The following UGT2A1 variants were observed in gnomAD, a reference collection of about 807,000 sequenced individuals.
UGT2A1 encodes UDP glucuronosyltransferase family 2 member A1 complex locus.
A neutral mutation model predicts 45.4 loss-of-function variants in UGT2A1; 61 were observed. The ratio of observed to expected loss-of-function variants is 1.34; its 90% confidence interval spans 1.09 to 1.66. UGT2A1 has a LOEUF of 1.66. Among genes scored for constraint, UGT2A1 ranks in the 40% most tolerant of loss-of-function variants. The probability of loss-of-function intolerance (pLI) is 0.00; values close to 1 mark genes in which losing one functional copy is unlikely to be tolerated. For synonymous variants in UGT2A1, 229 were observed against 196.2 expected (o/e 1.17, Z -1.40); for missense variants, 649 against 574.3 (o/e 1.13, Z -1.33).
At chr4:69,607,920 A>G (rs909776841) in intron 3 of UGT2A1, among the ~76,000 whole-genome samples, 6 of 152,196 alleles carry the variant, frequency 3.9e-5, no homozygotes, top group Non-Finnish European at 8.8e-5. Context: ...TCAGGAAACA[A>G]CAGGTGCTGG....
chr4:69,639,298 C>T, intron 2 of UGT2A1: 1 of 1,613,672 alleles, frequency 6.2e-7, no homozygotes, highest in Non-Finnish European at 8.5e-7. Context: ...TTGTAGAAAG[C>T]CCATATTGTG....
At chr4:69,617,622 T>C (rs1577974297) in intron 3 of UGT2A1, among the ~76,000 whole-genome samples, 3 of 151,766 alleles carry the variant, frequency 2.0e-5, no homozygotes, top group Non-Finnish European at 4.4e-5. Flanking sequence ...AAAATAATGA[T>C]ATAAATACAT....
Position 69,624,907 on chromosome 4 carries a change from C to T in UGT2A1, c.847+10784G>A, listed in dbSNP as rs1277529411. Among the ~76,000 whole-genome samples the T allele has an allele frequency of 1.5e-4, 23 of 151,096 alleles. No individual in the cohort carries two copies. In the Middle Eastern group the frequency reaches 0.017, roughly 113 times the overall value. On this transcript the variant is annotated intron_variant, in intron 3 of 6. Coordinates refer to ENST00000286604, the MANE Select transcript of UGT2A1 (RefSeq NM_001252275.3). ...TTTTTGTCTCTCCATTCGTCTAGAT[C>T]GAAATTTTTACTAGAGATCATTTTT...
chr4:69,640,832 TA>T (rs1214307122), intron 2 of UGT2A1, among the ~76,000 whole-genome samples: 1 of 151,770 alleles, frequency 6.6e-6, no homozygotes, highest in Non-Finnish European at 1.5e-5. Flanking sequence ...GGCAGTACCT[TA>T]AAAATTAATT....
rs768629275 is a variant in UGT2A1, at chr4:69,595,253, T to G, written c.997-4A>C. The G allele has an allele frequency of 5.0e-6, 8 of 1,613,328 alleles. No homozygotes were observed. The highest frequency in any genetic ancestry group is 6.8e-6 in the Non-Finnish European group (8 of 1,179,708). On this transcript the variant is annotated splice_region_variant and splice_polypyrimidine_tract_variant and intron_variant, in intron 4 of 6. Coordinates refer to ENST00000286604, the MANE Select transcript of UGT2A1 (RefSeq NM_001252275.3). ...TTCCTTTGTATCTCCATAAAACCTG[T>G]GGAAAATGGTGCTTTAATTTTGCAA...
rs550540170 is a variant in UGT2A1 at position 69,637,803 on chromosome 4, C to T, written c.716-1981G>A. On this transcript the variant is annotated intron_variant, in intron 2 of 6. Transcript: ENST00000286604. ...TATTGTTGTATTCCTACCACTTAGA[C>T]AAGTTGTAGGAACTAGGTTGGCATT... Among the ~76,000 whole-genome samples the T allele has an allele frequency of 4.6e-5, 7 of 151,996 alleles. No individual in the cohort carries two copies. In the South Asian group the frequency reaches 1.5e-3, roughly 32 times the overall value.
At chr4:69,653,001 A>T (rs1184996623) in intron 1 of UGT2A1, among the ~76,000 whole-genome samples, 187 bp downstream of exon 1, 1 of 152,248 alleles carries the variant, frequency 6.6e-6, no homozygotes, top group East Asian at 1.9e-4. Context: ...ATTTTGAAGT[A>T]TAAAATCTGG....
At chr4:69,595,345 G>A in intron 4 of UGT2A1, 96 bp from the exon 5 acceptor site, 2 of 1,402,282 alleles carry the variant, frequency 1.4e-6, no homozygotes, top group Non-Finnish European at 2.0e-6. Context: ...CAGCTACTTG[G>A]AAGACGGGAA....
Position 69,604,182 on chromosome 4 carries a change from C to A in UGT2A1, c.848-4788G>T, listed in dbSNP as rs1419992662. Among the ~76,000 whole-genome samples, 3 of 135,990 alleles carry A rather than the reference C, an allele frequency of 2.2e-5. 1 individual carries two copies. Among genetic ancestry groups the A allele is most frequent in the Non-Finnish European group, 4.7e-5 (3 of 64,008 alleles). 89.2% of individuals were successfully genotyped at this position (135,990 alleles called of 152,430 possible). The stretch of plus-strand genomic sequence containing the variant: ...CAGCCAGAGAGAAAGGTCGGGTTAC[C>A]CACAAAGGGAAGCCCATCAGACTAA... On this transcript the variant is annotated intron_variant, in intron 3 of 6. Coordinates refer to ENST00000286604, the MANE Select transcript of UGT2A1 (RefSeq NM_001252275.3).
intron 3 of UGT2A1, among the ~76,000 whole-genome samples, chr4:69,600,757 C>A (rs1232717265): frequency 6.6e-6 from 1 of 151,474 alleles, no homozygotes; most frequent in Admixed American, 6.6e-5. Context: ...GGTTGTTTTG[C>A]ATGATGGGAG....
At chr4:69,645,287 G>T (rs1451717575) in intron 2 of UGT2A1, among the ~76,000 whole-genome samples, 1 of 151,692 alleles carries the variant, frequency 6.6e-6, no homozygotes, top group Non-Finnish European at 1.5e-5. Context: ...CACATACACA[G>T]CATGTCCAAA....
chr4:69,646,475 T>C (rs1278869683), intron 2 of UGT2A1, among the ~76,000 whole-genome samples: 4 of 151,872 alleles, frequency 2.6e-5, no homozygotes, highest in Admixed American at 6.6e-5. Flanking sequence ...TGTTTCTTTA[T>C]GAGCCTTAAT....
chr4:69,643,171 A>T lies in UGT2A1; in HGVS notation c.715+3759T>A, dbSNP rs191725232. Among the ~76,000 whole-genome samples the T allele has an allele frequency of 3.6e-3, 546 of 151,718 alleles. 1 individual carries two copies. The highest frequency in any genetic ancestry group is 0.013 in the African/African-American group (523 of 41,510). Reference sequence around the variant, plus strand: ...CCTACTCCTTAATGGATAGTAAATTATCTGGTGATACAATGGCCCAATTAT... The same window carrying T: ...CCTACTCCTTAATGGATAGTAAATTTTCTGGTGATACAATGGCCCAATTAT... On this transcript the variant is annotated intron_variant, in intron 2 of 6. Coordinates refer to ENST00000286604, the MANE Select transcript of UGT2A1 (RefSeq NM_001252275.3).
In UGT2A1 at chr4:69,589,142, C is replaced by A. The variant is rs919163323; in HGVS notation, c.*230G>T. ...AAAAGTGACAGGAAGAGGGTATAGT[C>A]AGCAGGGAGAGACAAAGGAAAAATA... On this transcript the variant is annotated 3_prime_UTR_variant, in exon 7 of 7. Transcript: ENST00000286604. 6.5e-5 allele frequency: 27 copies of A among 415,512 alleles called. No individual in the cohort carries two copies. Among genetic ancestry groups the A allele is most frequent in the Non-Finnish European group, 7.6e-5 (19 of 250,180 alleles). The allele number at this position is 415,512 out of a possible 1,614,324, so 25.7% of individuals were successfully genotyped here.
intron 3 of UGT2A1, among the ~76,000 whole-genome samples, chr4:69,633,338 G>A (rs1045874105): frequency 6.6e-6 from 1 of 152,150 alleles, no homozygotes; most frequent in Non-Finnish European, 1.5e-5. Flanking sequence ...GATGACAATG[G>A]AGAAGAGCTG....
chr4:69,641,721 C>A, intron 2 of UGT2A1, among the ~76,000 whole-genome samples: 2 of 151,802 alleles, frequency 1.3e-5, no homozygotes, highest in Middle Eastern at 6.8e-3. Context: ...AATGATTCAC[C>A]ACTTTCTGAA....
chr4:69,621,183 C>A (rs1720733948), intron 3 of UGT2A1, among the ~76,000 whole-genome samples: 1 of 151,878 alleles, frequency 6.6e-6, no homozygotes, highest in Non-Finnish European at 1.5e-5. Context: ...TTCTGCACAG[C>A]AAAATAAACT....
chr4:69,623,794 A>G (rs962382747), intron 3 of UGT2A1, among the ~76,000 whole-genome samples: 9 of 151,582 alleles, frequency 5.9e-5, no homozygotes, highest in Non-Finnish European at 8.9e-5. Flanking sequence ...AAGGTAGAAA[A>G]TTGAGCTTAA....
chr4:69,635,828 C>CAAAAAAAATAAAAAAA lies in UGT2A1; in HGVS notation c.716-7_716-6insTTTTTTTATTTTTTTT, dbSNP rs1721659067. 2.0e-5 allele frequency: 1 copy of CAAAAAAAATAAAAAAA among 49,134 alleles called. No homozygotes were observed. Among genetic ancestry groups the CAAAAAAAATAAAAAAA allele is most frequent in the Non-Finnish European group, 3.9e-5 (1 of 25,476 alleles). The allele number at this position is 49,134 out of a possible 1,614,324, so 3.0% of individuals were successfully genotyped here. ...GCAACAGAGTAAGAGTCCACCTCACCAAAAAAAAAAAAAAAAAAAAAAGAG... is the reference window on the plus strand; with the variant it reads ...GCAACAGAGTAAGAGTCCACCTCACCAAAAAAAATAAAAAAAAAAAAAAAAAAAAAAAAAAAAAGAG... On this transcript the variant is annotated splice_region_variant and splice_polypyrimidine_tract_variant and intron_variant, in intron 2 of 6. Transcript: ENST00000286604.
Sources: allele counts gnomAD v4.1 joint callset (sites outside exome capture counted in the v4.1 genomes callset), GRCh38; gene constraint gnomAD v4.1.1; transcripts MANE v1.5; gene names NCBI Gene and HGNC (gene_info 2026-07-23, HGNC 2026-07-21).